ARL15: variants seen among roughly 807,000 people sequenced by gnomAD.
ARL15 encodes the protein ADP-ribosylation factor-like protein 15.
ARL15 carries 19 observed loss-of-function variants against 25.2 expected under a neutral mutation model. That is an observed-to-expected ratio of 0.75 (90% CI 0.53 to 1.10). The LOEUF (loss-of-function observed/expected upper bound fraction) is 1.10, where lower values mean the gene tolerates loss of function less well. Among genes scored for constraint, ARL15 ranks in the 50% least tolerant of loss-of-function variants. The probability of loss-of-function intolerance (pLI) is 0.00; values close to 1 mark genes in which losing one functional copy is unlikely to be tolerated. For missense variants in ARL15, 220 were observed against 246.0 expected, an observed-to-expected ratio of 0.89 and a Z score of 0.71; for synonymous variants, 94 against 86.8, an observed-to-expected ratio of 1.08 and a Z score of -0.46.
chr5:54,070,118 C>T (rs1246601425), intron 4 of ARL15, among the ~76,000 whole-genome samples: 2 of 150,076 alleles, frequency 1.3e-5, no homozygotes, highest in African/African-American at 4.9e-5. Flanking sequence ...GGGCCAGGTG[C>T]GGTGGCTCAC....
intron 4 of ARL15, chr5:53,887,252 G>A (rs1160801055): frequency 4.9e-6 from 3 of 615,046 alleles, no homozygotes; most frequent in Non-Finnish European, 5.8e-6. Context: ...TCTGAGACAT[G>A]AGAGCGTGTT....
At chr5:54,306,391 C>CTTTTTTTT (rs11338403) in intron 1 of ARL15, among the ~76,000 whole-genome samples, 3 of 134,516 alleles carry the variant, frequency 2.2e-5, no homozygotes, top group Non-Finnish European at 1.6e-5. Flanking sequence ...AATACGTTAA[C>CTTTTTTTT]TTTTTTTTTT....
intron 4 of ARL15, among the ~76,000 whole-genome samples, chr5:53,903,689 G>A (rs1020338882): frequency 3.9e-5 from 6 of 152,212 alleles, no homozygotes; most frequent in African/African-American, 1.4e-4. Flanking sequence ...GGGTAGACCA[G>A]GAGCTCCGTC....
intron 1 of ARL15, among the ~76,000 whole-genome samples, chr5:54,219,842 T>C (rs1477068010): frequency 6.6e-6 from 1 of 152,228 alleles, no homozygotes; most frequent in East Asian, 1.9e-4. Flanking sequence ...TTAAAAGCCA[T>C]GGGCAACCAT....
At chr5:54,226,831 C>T (rs1756531863) in intron 1 of ARL15, among the ~76,000 whole-genome samples, 1 of 152,142 alleles carries the variant, frequency 6.6e-6, no homozygotes, top group South Asian at 2.1e-4. Flanking sequence ...ATAATTGTAG[C>T]TCCCATAATT....
At chr5:53,922,422 T>C (rs1449672182) in intron 4 of ARL15, among the ~76,000 whole-genome samples, 1 of 152,222 alleles carries the variant, frequency 6.6e-6, no homozygotes, top group African/African-American at 2.4e-5. Context: ...ACAATGACTG[T>C]ATCAGCTTTG....
intron 4 of ARL15, among the ~76,000 whole-genome samples, chr5:54,075,073 G>GAGAAAAAAAA (rs1554038448): frequency 3.1e-5 from 2 of 63,926 alleles, no homozygotes; most frequent in Non-Finnish European, 5.7e-5. Context: ...CAGAATACAG[G>GAGAAAAAAAA]AAAAAAAAAA....
chr5:54,134,244 T>C (rs574936529), intron 3 of ARL15, among the ~76,000 whole-genome samples: 24 of 152,322 alleles, frequency 1.6e-4, no homozygotes, highest in African/African-American at 5.1e-4. Context: ...ACTTGCTAGG[T>C]TGGTACATTT....
chr5:53,893,737 A>C (rs1744790946), intron 4 of ARL15, among the ~76,000 whole-genome samples: 2 of 152,230 alleles, frequency 1.3e-5, no homozygotes, highest in Admixed American at 1.3e-4. Context: ...TCATGAAGCC[A>C]GCTTAACTGG....
At chr5:54,085,620 T>C (rs751809932) in intron 4 of ARL15, among the ~76,000 whole-genome samples, 1 of 152,190 alleles carries the variant, frequency 6.6e-6, no homozygotes, top group South Asian at 2.1e-4. Flanking sequence ...CTGGCAATTG[T>C]ACATAAAATA....
intron 2 of ARL15, among the ~76,000 whole-genome samples, chr5:54,156,058 T>C (rs558504489): frequency 3.9e-5 from 6 of 152,198 alleles, no homozygotes; most frequent in Admixed American, 2.6e-4. Flanking sequence ...ATATATAAAG[T>C]ATTACATGGA....
intron 4 of ARL15, among the ~76,000 whole-genome samples, chr5:54,037,153 A>G (rs887037692): frequency 1.3e-5 from 2 of 151,904 alleles, no homozygotes; most frequent in Admixed American, 1.3e-4. Flanking sequence ...AAATCCCCAC[A>G]ATATCTAAAA....
rs111624138 is a variant in ARL15 at position 54,263,801 on chromosome 5, G to A, written c.48+46631C>T. On this transcript the variant is annotated intron_variant, in intron 1 of 4. Coordinates refer to ENST00000504924, the MANE Select transcript of ARL15 (RefSeq NM_019087.3). ...CCATTTCTAATACTGCTTTTAGGCT[G>A]CAAAAATGTATTTCCAACATGGCAC... 6.3e-3 allele frequency among the ~76,000 whole-genome samples: 953 copies of A among 152,114 alleles called. 7 individuals are homozygous for A. The highest frequency in any genetic ancestry group is 0.022 in the African/African-American group (912 of 41,506).
chr5:54,069,581 A>AC (rs1232737038), intron 4 of ARL15, among the ~76,000 whole-genome samples: 3,863 of 130,608 alleles, frequency 0.03, 443 homozygotes, highest in African/African-American at 0.074. Context: ...AAAAAAAAAA[A>AC]AAACCACGAA....
At chr5:53,984,261 C>T (rs1370193485) in intron 4 of ARL15, among the ~76,000 whole-genome samples, 2 of 152,132 alleles carry the variant, frequency 1.3e-5, no homozygotes, top group Non-Finnish European at 2.9e-5. Flanking sequence ...GAACTCTCTC[C>T]AGCTGTTCCA....
At chr5:54,212,835 G>A (rs934092547) in intron 1 of ARL15, among the ~76,000 whole-genome samples, 1 of 152,124 alleles carries the variant, frequency 6.6e-6, no homozygotes. Flanking sequence ...TGATTTAATG[G>A]GGGGGAGATG....
chr5:54,056,795 T>TG (rs1201493809), intron 4 of ARL15, among the ~76,000 whole-genome samples: 1 of 152,142 alleles, frequency 6.6e-6, no homozygotes, highest in Non-Finnish European at 1.5e-5. Flanking sequence ...ATCCTAGCTC[T>TG]GTCTTTTACT....
At chr5:54,005,329 G>C (rs1044453163) in intron 4 of ARL15, among the ~76,000 whole-genome samples, 4 of 152,188 alleles carry the variant, frequency 2.6e-5, no homozygotes, top group Admixed American at 1.3e-4. Flanking sequence ...CAAAGACCCA[G>C]AGAGCTCAAT....
intron 1 of ARL15, among the ~76,000 whole-genome samples, chr5:54,308,752 G>C (rs567442558): frequency 6.6e-6 from 1 of 152,288 alleles, no homozygotes; most frequent in African/African-American, 2.4e-5. Context: ...TAAGCATTTT[G>C]ATAGGTTTGG....
Sources: allele counts gnomAD v4.1 joint callset (sites outside exome capture counted in the v4.1 genomes callset), GRCh38; gene constraint gnomAD v4.1.1; transcripts MANE v1.5; gene names NCBI Gene and HGNC (gene_info 2026-07-23, HGNC 2026-07-21).